The following RALGAPA2 variants were observed in gnomAD, a reference collection of about 807,000 sequenced individuals.
RALGAPA2 encodes the protein Ral GTPase activating protein catalytic subunit alpha 2.
A neutral mutation model predicts 230.4 loss-of-function variants in RALGAPA2; 139 were observed. The ratio of observed to expected loss-of-function variants is 0.60; its 90% CI spans 0.53 to 0.69. RALGAPA2 has a LOEUF of 0.69. Ranked by LOEUF, RALGAPA2 falls within the 30% of genes least tolerant of loss-of-function variation. The probability of loss-of-function intolerance (pLI) is 0.00; values close to 1 mark genes in which losing one functional copy is unlikely to be tolerated. For missense variants in RALGAPA2, 2,163 were observed against 2,276.0 expected (o/e 0.95, Z 1.01); for synonymous variants, 847 against 837.8 (o/e 1.01, Z -0.19).
chr20:20,591,896 T>C (rs1372983055), intron 16 of RALGAPA2, among the ~76,000 whole-genome samples: 1 of 152,186 alleles, frequency 6.6e-6, no homozygotes, highest in East Asian at 1.9e-4. Context: ...AACCAATATA[T>C]ATGAGACATA....
intron 3 of RALGAPA2, among the ~76,000 whole-genome samples, chr20:20,655,944 C>A (rs1421969472): frequency 6.6e-6 from 1 of 152,120 alleles, no homozygotes; most frequent in Non-Finnish European, 1.5e-5. Flanking sequence ...ATCTTAGACC[C>A]GAGGAGAATA....
chr20:20,659,600 G>A (rs1166758251), intron 3 of RALGAPA2: 1 of 257,706 alleles, frequency 3.9e-6, no homozygotes, highest in Non-Finnish European at 7.7e-6. Context: ...TACATAATTG[G>A]AGTTAATATG....
intron 35 of RALGAPA2, among the ~76,000 whole-genome samples, chr20:20,496,503 T>G (rs928560331): frequency 1.1e-4 from 17 of 152,192 alleles, no homozygotes; most frequent in African/African-American, 4.1e-4. Flanking sequence ...ATTCTCGTTC[T>G]CTCACGTGGA....
At chr20:20,493,527 A>T (rs1171379118) in intron 36 of RALGAPA2, among the ~76,000 whole-genome samples, 1 of 152,214 alleles carries the variant, frequency 6.6e-6, no homozygotes, top group Non-Finnish European at 1.5e-5. Context: ...ATCACTTTTG[A>T]TTCTATAAAG....
intron 37 of RALGAPA2, among the ~76,000 whole-genome samples, chr20:20,436,674 C>T (rs1306384035): frequency 1.3e-5 from 2 of 152,204 alleles, no homozygotes; most frequent in Non-Finnish European, 2.9e-5. Context: ...TTGACACTGT[C>T]GTCTCTGCTG....
intron 24 of RALGAPA2, among the ~76,000 whole-genome samples, chr20:20,542,273 T>C (rs1308563547): frequency 6.6e-6 from 1 of 152,096 alleles, no homozygotes; most frequent in African/African-American, 2.4e-5. Context: ...CACAAACAAA[T>C]GGAAAAACAT....
intron 16 of RALGAPA2, among the ~76,000 whole-genome samples, chr20:20,601,311 T>G (rs1251180268): frequency 1.3e-5 from 2 of 152,228 alleles, no homozygotes; most frequent in Non-Finnish European, 2.9e-5. Flanking sequence ...TTTTCTTTGC[T>G]GAAACAGGTT....
chr20:20,601,813 A>C lies in RALGAPA2; in HGVS notation c.2072T>G (p.Val691Gly), dbSNP rs372303653. 15 of 1,611,384 alleles carry C rather than the reference A, an allele frequency of 9.3e-6. No homozygotes were observed. The highest frequency in any genetic ancestry group is 4.5e-5 in the East Asian group (2 of 44,810). The change falls in exon 16 of 40, where the codon GTG (valine) becomes GGG (glycine). Residue 691 changes from valine (V) to glycine (G), a missense_variant. Physicochemically the swap from Val to Gly is moderately radical, Grantham distance 109. Coordinates refer to ENST00000202677, the MANE Select transcript of RALGAPA2 (RefSeq NM_020343.4). ...CVLDPQKGTTVGRSFSLSWRS... is the reference protein window; with the variant it reads ...CVLDPQKGTTGGRSFSLSWRS... ...CCAGCTGAGAGAAAAGGACCTCCCC[A>C]CGGTGGTTCCTTTCTGAGGATCTAG... is the stretch of plus-strand genomic sequence containing the variant.
chr20:20,481,036 G>A (rs2061761379), intron 36 of RALGAPA2, among the ~76,000 whole-genome samples: 3 of 152,180 alleles, frequency 2.0e-5, no homozygotes, highest in Non-Finnish European at 2.9e-5. Flanking sequence ...CACCTAGAAG[G>A]TGCAGCCCAA....
intron 17 of RALGAPA2, 112 bp from the exon 18 acceptor site, chr20:20,589,477 T>C (rs2065224712): frequency 1.7e-6 from 2 of 1,194,710 alleles, no homozygotes; most frequent in Non-Finnish European, 2.3e-6. Context: ...TTCTAAGGTA[T>C]GTAAAAACAG....
chr20:20,637,570 T>C (rs1197344118), intron 7 of RALGAPA2, 69 bp from the exon 8 acceptor site: 1 of 1,308,082 alleles, frequency 7.6e-7, no homozygotes, highest in Non-Finnish European at 1.0e-6. Flanking sequence ...TAAACTGAAG[T>C]GTTGTTATGT....
rs928877259 is a variant in RALGAPA2, at chr20:20,461,178, C to G, written c.5495+11651G>C. ...TCTGATGTGCATATGTCATTATAAGCAAAGAATGTTTATCCTGTTAAAGAG... is the reference window on the plus strand; with the variant it reads ...TCTGATGTGCATATGTCATTATAAGGAAAGAATGTTTATCCTGTTAAAGAG... On this transcript the variant is annotated intron_variant, in intron 37 of 39. Coordinates refer to ENST00000202677, the MANE Select transcript of RALGAPA2 (RefSeq NM_020343.4). Among the ~76,000 whole-genome samples, 9 of 152,252 alleles carry G rather than the reference C, an allele frequency of 5.9e-5. 1 individual carries two copies. Among genetic ancestry groups the G allele is most frequent in the African/African-American group, 1.7e-4 (7 of 41,546 alleles).
intron 33 of RALGAPA2, among the ~76,000 whole-genome samples, chr20:20,507,585 G>C (rs1196714109): frequency 6.6e-6 from 1 of 152,172 alleles, no homozygotes; most frequent in African/African-American, 2.4e-5. Context: ...TCAAACTCCT[G>C]ATCTCAGGTG....
chr20:20,668,138 C>T (rs2146725704), intron 3 of RALGAPA2, among the ~76,000 whole-genome samples: 1 of 152,304 alleles, frequency 6.6e-6, no homozygotes, highest in Admixed American at 6.5e-5. Flanking sequence ...CTGGAGGACT[C>T]TAGAGCCTCC....
intron 20 of RALGAPA2, 49 bp from the exon 21 acceptor site, chr20:20,573,117 T>G: frequency 7.2e-7 from 1 of 1,394,240 alleles, no homozygotes; most frequent in Non-Finnish European, 9.5e-7. Flanking sequence ...CTTGATTTCA[T>G]CATACCTTTT....
chr20:20,506,115 C>T (rs1283763673), intron 33 of RALGAPA2, among the ~76,000 whole-genome samples: 1 of 152,044 alleles, frequency 6.6e-6, no homozygotes, highest in Non-Finnish European at 1.5e-5. Flanking sequence ...GGTTTACCAA[C>T]TTCTGTACTC....
At chr20:20,515,001 C>G (rs1050632537) in intron 31 of RALGAPA2, among the ~76,000 whole-genome samples, 14 of 152,240 alleles carry the variant, frequency 9.2e-5, no homozygotes, top group African/African-American at 3.1e-4. Context: ...AGCACTGCTA[C>G]TTGTGCCCAA....
intron 12 of RALGAPA2, 71 bp downstream of exon 12, chr20:20,619,206 A>G (rs1269486230): frequency 7.1e-7 from 1 of 1,404,068 alleles, no homozygotes; most frequent in East Asian, 2.6e-5. Flanking sequence ...ATTATCCCCA[A>G]TAAACAAAAA....
chr20:20,592,939 T>C (rs2065336928), intron 16 of RALGAPA2, among the ~76,000 whole-genome samples: 2 of 147,276 alleles, frequency 1.4e-5, no homozygotes, highest in African/African-American at 5.0e-5. Context: ...ATCAATTTAC[T>C]TTTTTTTTTT....
Sources: gnomAD v4.1 joint callset for allele counts (sites outside exome capture counted in the v4.1 genomes callset) on GRCh38, gnomAD v4.1.1 for gene constraint, MANE v1.5 for transcripts, NCBI Gene and HGNC (gene_info 2026-07-23, HGNC 2026-07-21) for gene names.